The following FBXO32 variants were observed in gnomAD, a reference collection of about 807,000 sequenced individuals.
FBXO32 encodes the protein F-box only protein 32.
Under a neutral mutation model 48.3 loss-of-function variants are expected in FBXO32, and 15 were observed. The ratio of observed to expected loss-of-function variants is 0.31; its 90% confidence interval spans 0.21 to 0.48. The LOEUF (loss-of-function observed/expected upper bound fraction) is 0.48, where lower values mean the gene tolerates loss of function less well. FBXO32 is among the 20% of genes least tolerant of loss of function. The pLI, the probability that FBXO32 is intolerant of heterozygous loss-of-function variation, is 0.99. For missense variants in FBXO32, 309 were observed against 432.7 expected (o/e 0.71, Z 2.54); for synonymous variants, 154 against 165.9 (o/e 0.93, Z 0.55).
Position 123,503,411 on chromosome 8 carries a change from G to A in FBXO32, c.1030C>T (p.Leu344Phe). ...AAGTTGATAAAGTCCTGGGGTGAAA[G>A]TGAAACGGAGCAGCTCTCTGGGTTA... ...ANNPESCSVS[L>F]SPQDFINLFK... The change falls in exon 9 of 9, where the codon CTT (leucine) becomes TTT (phenylalanine). Residue 344 changes from leucine to phenylalanine, a missense_variant. Physicochemically the swap from Leu to Phe is conservative, Grantham distance 22. Transcript: ENST00000517956. The A allele has an allele frequency of 6.2e-7, 1 of 1,614,232 alleles. No individual in the cohort carries two copies. The highest frequency in any genetic ancestry group is 1.1e-5 in the South Asian group (1 of 91,084).
intron 4 of FBXO32, among the ~76,000 whole-genome samples, chr8:123,516,016 G>T (rs1487941910): frequency 6.6e-6 from 1 of 152,072 alleles, no homozygotes; most frequent in Non-Finnish European, 1.5e-5. Context: ...AAAAAACAAA[G>T]ATCCTATTGT....
At chr8:123,528,153 T>G (rs1459216231) in intron 4 of FBXO32, among the ~76,000 whole-genome samples, 1 of 152,192 alleles carries the variant, frequency 6.6e-6, no homozygotes, top group African/African-American at 2.4e-5. Flanking sequence ...GCTCCAGAGG[T>G]GGGCTTCTGT....
chr8:123,534,213 A>G (rs1463061491), intron 2 of FBXO32, among the ~76,000 whole-genome samples: 1 of 152,190 alleles, frequency 6.6e-6, no homozygotes, highest in Non-Finnish European at 1.5e-5. Context: ...AATCAAACAG[A>G]TAACATGAGG....
chr8:123,506,642 A>G lies in FBXO32; in HGVS notation c.652-68T>C. ...AGCGATTCACCAGGCCACACCCTCC[A>G]GGCATGCAGCTGTGCCCGTCCTCCA... On this transcript the variant is annotated intron_variant, in intron 6 of 8. Coordinates refer to ENST00000517956, the MANE Select transcript of FBXO32 (RefSeq NM_058229.4). This position sits in a 1 kb window ranked among gnomAD's most constrained non-coding sequence, Gnocchi z 4.0. The G allele has an allele frequency of 4.3e-6, 6 of 1,386,002 alleles. No homozygotes were observed. The highest frequency in any genetic ancestry group is 4.0e-6 in the Non-Finnish European group (4 of 1,010,218). The allele number at this position is 1,386,002 out of a possible 1,614,324, so 85.9% of individuals were successfully genotyped here. A position where few individuals can be genotyped will look rare whatever the true frequency, so the allele number is the denominator to read the frequency against.
intron 4 of FBXO32, among the ~76,000 whole-genome samples, chr8:123,528,300 C>T (rs1290798426): frequency 1.3e-5 from 2 of 152,208 alleles, no homozygotes; most frequent in African/African-American, 4.8e-5. Context: ...ATGCCCAAGA[C>T]TCACTCGATC....
chr8:123,510,513 T>G (rs6988439), intron 6 of FBXO32, among the ~76,000 whole-genome samples: 41,494 of 151,908 alleles, frequency 0.27, 6,284 homozygotes, highest in East Asian at 0.44. Context: ...CCGGGGAGTC[T>G]AAGGTAGAAG....
chr8:123,524,606 G>A (rs1015040986), intron 4 of FBXO32, among the ~76,000 whole-genome samples: 3 of 151,990 alleles, frequency 2.0e-5, no homozygotes, highest in African/African-American at 7.2e-5. Flanking sequence ...CACGATCTTG[G>A]CTCCCGGGTT....
chr8:123,518,921 A>G (rs558924492), intron 4 of FBXO32, among the ~76,000 whole-genome samples: 8 of 152,274 alleles, frequency 5.3e-5, no homozygotes, highest in Admixed American at 5.2e-4. Context: ...TCCGAGGCTC[A>G]AGCTATCTTC....
chr8:123,503,949 T>C (rs369282557), intron 8 of FBXO32, among the ~76,000 whole-genome samples: 71 of 152,038 alleles, frequency 4.7e-4, no homozygotes, highest in Middle Eastern at 3.2e-3. Flanking sequence ...TGTGGTGGCA[T>C]GTGCCTGTAG....
intron 2 of FBXO32, among the ~76,000 whole-genome samples, chr8:123,533,949 C>T (rs772271964): frequency 7.2e-5 from 11 of 151,762 alleles, no homozygotes; most frequent in Admixed American, 5.3e-4. Flanking sequence ...AAAAATTAGC[C>T]GGGTATGGTG....
Position 123,525,226 on chromosome 8 carries a change from A to G in FBXO32, c.372+6672T>C, listed in dbSNP as rs1036536789. Among the ~76,000 whole-genome samples the G allele has an allele frequency of 2.0e-5, 3 of 152,238 alleles. No homozygotes were observed. The highest frequency in any genetic ancestry group is 4.4e-5 in the Non-Finnish European group (3 of 68,040). On this transcript the variant is annotated intron_variant, in intron 4 of 8. Coordinates refer to ENST00000517956, the MANE Select transcript of FBXO32 (RefSeq NM_058229.4). This position sits in a 1 kb window ranked among gnomAD's most constrained non-coding sequence, Gnocchi z 4.3. Reference sequence around the variant, plus strand: ...TAACTTGCTGGAAACATTCAAATGCACTTAGGGTGGTAACGCAGAAAAAAA... The same window carrying G: ...TAACTTGCTGGAAACATTCAAATGCGCTTAGGGTGGTAACGCAGAAAAAAA...
At position 123,502,950 on chromosome 8, in the gene FBXO32, T is replaced by C; in HGVS notation, c.*423A>G. 6.4e-6 allele frequency: 1 copy of C among 155,186 alleles called. No individual in the cohort carries two copies. Among genetic ancestry groups the C allele is most frequent in the South Asian group, 2.0e-4 (1 of 5,054 alleles). 9.6% of individuals were successfully genotyped at this position (155,186 alleles called of 1,614,324 possible). On this transcript the variant is annotated 3_prime_UTR_variant, in exon 9 of 9. Coordinates refer to ENST00000517956, the MANE Select transcript of FBXO32 (RefSeq NM_058229.4). Reference sequence around the variant, plus strand: ...GGAATTTCTCCTATATAGTTTTCCTTCTTCATTTTTTCTTTTCTAAACAAA... The same window carrying C: ...GGAATTTCTCCTATATAGTTTTCCTCCTTCATTTTTTCTTTTCTAAACAAA...
Position 123,519,872 on chromosome 8 carries a change from C to T in FBXO32, c.373-5539G>A, listed in dbSNP as rs1816916004. On this transcript the variant is annotated intron_variant, in intron 4 of 8. Coordinates refer to ENST00000517956, the MANE Select transcript of FBXO32 (RefSeq NM_058229.4). ...GCGTGATTTCGGCTCATTGCAACCT[C>T]CACCTCCCAGGTTGAAATGATTCTC... 2.6e-5 allele frequency among the ~76,000 whole-genome samples: 4 copies of T among 152,276 alleles called. No individual in the cohort carries two copies. The South Asian group carries it at 8.3e-4, about 32-fold the overall frequency.
chr8:123,533,373 G>T, intron 2 of FBXO32, 133 bp from the exon 3 acceptor site: 1 of 694,134 alleles, frequency 1.4e-6, no homozygotes, highest in Non-Finnish European at 2.4e-6. Flanking sequence ...AACTGAAGAA[G>T]TTTCAAGTGC....
intron 7 of FBXO32, among the ~76,000 whole-genome samples, chr8:123,505,746 A>G (rs961134311): frequency 6.6e-6 from 1 of 152,194 alleles, no homozygotes; most frequent in African/African-American, 2.4e-5. Flanking sequence ...AAAAAACAAA[A>G]CAAAACAAAA....
At position 123,525,442 on chromosome 8, in the gene FBXO32, T is replaced by G. The variant is rs1339414092; in HGVS notation, c.372+6456A>C. 6.6e-6 allele frequency among the ~76,000 whole-genome samples: 1 copy of G among 152,214 alleles called. No individual in the cohort carries two copies. The highest frequency in any genetic ancestry group is 1.5e-5 in the Non-Finnish European group (1 of 68,026). ...ATGGTAGCTACAGTTACTGTAGACTTGGGCTTATTCTCATTCTACAGAGAG... is the reference window on the plus strand; with the variant it reads ...ATGGTAGCTACAGTTACTGTAGACTGGGGCTTATTCTCATTCTACAGAGAG... On this transcript the variant is annotated intron_variant, in intron 4 of 8. Transcript: ENST00000517956. The surrounding 1 kb of genome is among the most constrained non-coding windows in gnomAD (Gnocchi z 4.3).
At chr8:123,530,007 A>G (rs1313263460) in intron 4 of FBXO32, among the ~76,000 whole-genome samples, 1 of 152,152 alleles carries the variant, frequency 6.6e-6, no homozygotes, top group Non-Finnish European at 1.5e-5. Flanking sequence ...TCCTGGGCCC[A>G]TTTCCAACCA....
chr8:123,541,043 G>A lies in FBXO32; in HGVS notation c.-29C>T. On this transcript the variant is annotated 5_prime_UTR_variant, in exon 1 of 9. Transcript: ENST00000517956. ...ACCGCGAGCGGACTAGACGGATGGG[G>A]AGACGGGGCCGGCCTGGTGGGCTCG... 1 of 1,510,384 alleles carries A rather than the reference G, an allele frequency of 6.6e-7. No homozygotes were observed. Among genetic ancestry groups the A allele is most frequent in the Non-Finnish European group, 9.0e-7 (1 of 1,105,556 alleles). 93.6% of individuals were successfully genotyped at this position (1,510,384 alleles called of 1,614,324 possible). A position where few individuals can be genotyped will look rare whatever the true frequency, so the allele number is the denominator to read the frequency against.
In FBXO32 at chr8:123,513,279, G is replaced by A. The variant is rs1183180099; in HGVS notation, c.570C>T (p.Val190=). The change falls in exon 6 of 9, where the codon GTC becomes GTT. Residue 190 remains valine (V), a synonymous_variant. Coordinates refer to ENST00000517956, the MANE Select transcript of FBXO32 (RefSeq NM_058229.4). The surrounding 1 kb of genome is among the most constrained non-coding windows in gnomAD (Gnocchi z 4.3). ...LVQRVGKSVL[V]GNINMWVYRM... ...GATACACCCACATGTTAATGTTCCC[G>A]ACCAGCACAGACTTGCCGACTCTTT... 3.7e-6 allele frequency: 6 copies of A among 1,614,080 alleles called. No homozygotes were observed. Among genetic ancestry groups the A allele is most frequent in the Middle Eastern group, 3.3e-4 (2 of 6,084 alleles).
Sources: allele counts gnomAD v4.1 joint callset (sites outside exome capture counted in the v4.1 genomes callset), GRCh38; gene constraint gnomAD v4.1.1; non-coding constraint Gnocchi (gnomAD v3.1); transcripts MANE v1.5; gene names NCBI Gene and HGNC (gene_info 2026-07-23, HGNC 2026-07-21).